PHACTR2: variants seen among roughly 807,000 people sequenced by gnomAD.
PHACTR2 encodes chromosome 6 open reading frame 56.
In PHACTR2, 30 loss-of-function variants were observed where a neutral mutation model predicts 76.0. The observed-to-expected ratio is 0.39, with a 90% CI of 0.30 to 0.54. The LOEUF (loss-of-function observed/expected upper bound fraction) is 0.54, where lower values mean the gene tolerates loss of function less well. Ranked by LOEUF, PHACTR2 falls within the 20% of genes least tolerant of loss-of-function variation. The pLI, the probability that PHACTR2 is intolerant of heterozygous loss-of-function variation, is 0.61. For missense variants in PHACTR2, 696 were observed against 781.1 expected, an observed-to-expected ratio of 0.89 and a Z score of 1.30; for synonymous variants, 292 against 292.5, an observed-to-expected ratio of 1.00 and a Z score of 0.02.
intron 1 of PHACTR2, among the ~76,000 whole-genome samples, chr6:143,670,771 C>T (rs1777139864): frequency 6.6e-6 from 1 of 152,036 alleles, no homozygotes; most frequent in South Asian, 2.1e-4. Context: ...TCTTAGCTTC[C>T]TTGCATTGGG....
Position 143,818,762 on chromosome 6 carries a change from C to G in PHACTR2, c.1923-4912C>G, listed in dbSNP as rs1034911749. On this transcript the variant is annotated intron_variant, in intron 12 of 12. Transcript: ENST00000440869. This position sits in a 1 kb window ranked among gnomAD's most constrained non-coding sequence, Gnocchi z 4.9. The stretch of plus-strand genomic sequence containing the variant: ...GTCACGAGAACAGCATGGGGGAAAC[C>G]ACTCGCCTGATTCAATTACCTCCCA... Among the ~76,000 whole-genome samples, 2 of 152,086 alleles carry G rather than the reference C, an allele frequency of 1.3e-5. No individual in the cohort carries two copies. The highest frequency in any genetic ancestry group is 4.8e-5 in the African/African-American group (2 of 41,408).
chr6:143,804,009 T>G (rs2128483036), intron 11 of PHACTR2, among the ~76,000 whole-genome samples: 1 of 152,352 alleles, frequency 6.6e-6, no homozygotes, highest in East Asian at 1.9e-4. Flanking sequence ...AGCTGTAAGG[T>G]AAAAGCCTTG....
Position 143,722,630 on chromosome 6 carries a change from TTCCACTCTTTTA to T in PHACTR2, c.214+10448_214+10459del, listed in dbSNP as rs1778468077. 9.2e-5 allele frequency among the ~76,000 whole-genome samples: 14 copies of T among 152,224 alleles called. No individual in the cohort carries two copies. Among genetic ancestry groups the T allele is most frequent in the Non-Finnish European group, 1.6e-4 (11 of 68,022 alleles). On this transcript the variant is annotated intron_variant, in intron 2 of 12. Transcript: ENST00000440869. This position sits in a 1 kb window ranked among gnomAD's most constrained non-coding sequence, Gnocchi z 4.1. ...TTTCTTTTTGTTAGAAATAGTCCAG[TTCCACTCTTTTA>T]GTTATTTTGAGATATACAATATTGT...
At position 143,754,065 on chromosome 6, in the gene PHACTR2, G is replaced by A. The variant is rs1443821169; in HGVS notation, c.454+153G>A. ...AGAAAGAAATGATAACTAGTAAAGT[G>A]AAATCGGATGATTTTCTCAGGTAGA... On this transcript the variant is annotated intron_variant, in intron 4 of 12. Transcript: ENST00000440869. The surrounding 1 kb of genome is among the most constrained non-coding windows in gnomAD (Gnocchi z 6.2). 4.5e-6 allele frequency: 2 copies of A among 440,338 alleles called. No homozygotes were observed. The highest frequency in any genetic ancestry group is 6.9e-5 in the East Asian group (2 of 28,800). 27.3% of individuals were successfully genotyped at this position (440,338 alleles called of 1,614,324 possible).
intron 1 of PHACTR2, among the ~76,000 whole-genome samples, chr6:143,565,197 T>A (rs747251699): frequency 6.6e-6 from 1 of 152,210 alleles, no homozygotes; most frequent in Admixed American, 6.5e-5. Flanking sequence ...TCAGCGAGCC[T>A]AGCCAAGATT....
rs925045202 is a variant in PHACTR2, at chr6:143,680,585, C to G, written c.46+2376C>G. On this transcript the variant is annotated intron_variant, in intron 1 of 12. Coordinates refer to ENST00000440869, the MANE Select transcript of PHACTR2 (RefSeq NM_001100164.2). The surrounding 1 kb of genome is among the most constrained non-coding windows in gnomAD (Gnocchi z 4.5). The stretch of plus-strand genomic sequence containing the variant: ...TAGGTTGCACCTAATTCTCTGGGTT[C>G]TAGGAAGACCATTAATAATTTTTTC... Among the ~76,000 whole-genome samples, 5 of 152,122 alleles carry G rather than the reference C, an allele frequency of 3.3e-5. No homozygotes were observed. The highest frequency in any genetic ancestry group is 1.2e-4 in the African/African-American group (5 of 41,428).
At chr6:143,712,289 G>A (rs377171403) in intron 2 of PHACTR2, 106 bp downstream of exon 2, 31 of 645,178 alleles carry the variant, frequency 4.8e-5, no homozygotes, top group African/African-American at 1.5e-4. Context: ...AAATTAATCC[G>A]TATTTGAAAT....
At chr6:143,808,922 C>T (rs1027271722) in intron 12 of PHACTR2, among the ~76,000 whole-genome samples, 1 of 152,088 alleles carries the variant, frequency 6.6e-6, no homozygotes, top group Non-Finnish European at 1.5e-5. Context: ...AAATGTGACA[C>T]CTGTAGTTGC....
At chr6:143,606,830 C>T (rs1775881468), upstream of PHACTR2, among the ~76,000 whole-genome samples, 1 of 151,954 alleles carries the variant, frequency 6.6e-6, no homozygotes, top group Non-Finnish European at 1.5e-5. Context: ...AGTGATATAC[C>T]TTTAAAATTG....
rs1190567696 is a variant in PHACTR2 at position 143,823,443 on chromosome 6, T to C, written c.1923-231T>C. On this transcript the variant is annotated intron_variant, in intron 12 of 12. Transcript: ENST00000440869. The surrounding 1 kb of genome is among the most constrained non-coding windows in gnomAD (Gnocchi z 5.7). The stretch of plus-strand genomic sequence containing the variant: ...TATAACCAGCATCTTTTATATAAGG[T>C]TTCCTTATATGCTTATATGTAAACA... Among the ~76,000 whole-genome samples, 1 of 152,160 alleles carries C rather than the reference T, an allele frequency of 6.6e-6. No individual in the cohort carries two copies. Among genetic ancestry groups the C allele is most frequent in the African/African-American group, 2.4e-5 (1 of 41,440 alleles).
In PHACTR2 at chr6:143,571,761, C is replaced by T. The variant is rs1447886835; in HGVS notation, c.217+34554C>T. On this transcript the variant is annotated intron_variant, in intron 1 of 11. Coordinates refer to the PHACTR2 transcript ENST00000367584. The surrounding 1 kb of genome is among the most constrained non-coding windows in gnomAD (Gnocchi z 4.6). ...ATCATTTCCTTACTTTCTGGGACCACAAGACGTTCCAGACTCATCTTGTGT... is the reference window on the plus strand; with the variant it reads ...ATCATTTCCTTACTTTCTGGGACCATAAGACGTTCCAGACTCATCTTGTGT... 6.6e-6 allele frequency among the ~76,000 whole-genome samples: 1 copy of T among 152,206 alleles called. No homozygotes were observed. The highest frequency in any genetic ancestry group is 1.5e-5 in the Non-Finnish European group (1 of 68,046).
rs1218083826 is a variant in PHACTR2, at chr6:143,571,814, C to A, written c.217+34607C>A. Among the ~76,000 whole-genome samples, 1 of 152,110 alleles carries A rather than the reference C, an allele frequency of 6.6e-6. No homozygotes were observed. ...TCTCTGTCCCTGCTTTAGAATCAGTCTTTTCTCCTATGAGCCCTGCTTTCA... is the reference window on the plus strand; with the variant it reads ...TCTCTGTCCCTGCTTTAGAATCAGTATTTTCTCCTATGAGCCCTGCTTTCA... On this transcript the variant is annotated intron_variant, in intron 1 of 11. Coordinates refer to the PHACTR2 transcript ENST00000367584. This position sits in a 1 kb window ranked among gnomAD's most constrained non-coding sequence, Gnocchi z 4.6.
chr6:143,611,347 T>C lies in PHACTR2; in HGVS notation c.13+3025T>C, dbSNP rs919023547. On this transcript the variant is annotated intron_variant, in intron 1 of 11. Transcript: ENST00000305766. This position sits in a 1 kb window ranked among gnomAD's most constrained non-coding sequence, Gnocchi z 4.4. The stretch of plus-strand genomic sequence containing the variant: ...AAAGCCTTTTGACAATTGATGTACA[T>C]TCATTGAGTTTGAGAAGGTCACAGT... Among the ~76,000 whole-genome samples, 1 of 152,168 alleles carries C rather than the reference T, an allele frequency of 6.6e-6. No individual in the cohort carries two copies. Among genetic ancestry groups the C allele is most frequent in the Non-Finnish European group, 1.5e-5 (1 of 68,030 alleles).
chr6:143,763,219 C>T lies in PHACTR2; in HGVS notation c.695-2042C>T, dbSNP rs528882245. ...ACTAAAAATACAAAAATTACCCAGG[C>T]GTGGTGGTGGGCACCTGTAATCCCA... On this transcript the variant is annotated intron_variant, in intron 5 of 12. Transcript: ENST00000440869. Among the ~76,000 whole-genome samples, 12 of 152,080 alleles carry T rather than the reference C, an allele frequency of 7.9e-5. No individual in the cohort carries two copies. In the South Asian group the frequency reaches 2.5e-3, roughly 32 times the overall value.
At chr6:143,758,192 G>A (rs544485648) in intron 4 of PHACTR2, among the ~76,000 whole-genome samples, 3 of 152,230 alleles carry the variant, frequency 2.0e-5, no homozygotes, top group African/African-American at 4.8e-5. Flanking sequence ...GATTCTTTCC[G>A]GTATACCTTT....
intron 1 of PHACTR2, among the ~76,000 whole-genome samples, chr6:143,692,707 T>C (rs1279083248): frequency 6.6e-6 from 1 of 152,220 alleles, no homozygotes; most frequent in East Asian, 1.9e-4. Flanking sequence ...CAAAGAACTT[T>C]TCTTTTTCCT....
rs917702847 is a variant in PHACTR2, at chr6:143,809,999, T to C, written c.1922+2866T>C. Among the ~76,000 whole-genome samples the C allele has an allele frequency of 6.6e-6, 1 of 152,006 alleles. No homozygotes were observed. The highest frequency in any genetic ancestry group is 2.4e-5 in the African/African-American group (1 of 41,364). ...AGTGGCTCACAGCTGTAGTCCCAGC[T>C]ACTTGGTAGGCTGAGGTGGGAGGAT... On this transcript the variant is annotated intron_variant, in intron 12 of 12. Transcript: ENST00000440869. This position sits in a 1 kb window ranked among gnomAD's most constrained non-coding sequence, Gnocchi z 4.2.
At chr6:143,637,124 C>T (rs1005278135) in intron 1 of PHACTR2, among the ~76,000 whole-genome samples, 4 of 152,116 alleles carry the variant, frequency 2.6e-5, no homozygotes, top group Admixed American at 1.3e-4. Context: ...AGTTTGGCAG[C>T]GTGACTAACC....
intron 1 of PHACTR2, among the ~76,000 whole-genome samples, chr6:143,628,652 A>G (rs535976223): frequency 1.3e-5 from 2 of 152,142 alleles, no homozygotes; most frequent in Admixed American, 1.3e-4. Flanking sequence ...TCATCTCAGA[A>G]TCCTTAATTT....
Sources: gnomAD v4.1 joint callset for allele counts (sites outside exome capture counted in the v4.1 genomes callset) on GRCh38, gnomAD v4.1.1 for gene constraint, Gnocchi (gnomAD v3.1) non-coding constraint, MANE v1.5 for transcripts, NCBI Gene and HGNC (gene_info 2026-07-23, HGNC 2026-07-21) for gene names.